POLK: variants seen among roughly 807,000 people sequenced by gnomAD.
The protein encoded by POLK is polymerase (DNA directed) kappa.
Under a neutral mutation model 94.0 loss-of-function variants are expected in POLK, and 76 were observed. The ratio of observed to expected loss-of-function variants is 0.81; its 90% CI spans 0.67 to 0.98. POLK has a LOEUF of 0.98. Among genes scored for constraint, POLK ranks in the 50% least tolerant of loss-of-function variants. The pLI is 0.00. For synonymous variants in POLK, 349 were observed against 325.4 expected, an observed-to-expected ratio of 1.07 and a Z score of -0.78; for missense variants, 954 against 1,010.1, an observed-to-expected ratio of 0.94 and a Z score of 0.75.
At chr5:75,511,561 C>CG (rs1768006004), upstream of POLK, 1 of 1,457,234 alleles carries the variant, frequency 6.9e-7, no homozygotes, top group South Asian at 1.4e-5. Context: ...AGAGAAAATC[C>CG]GGCCGCTGAG....
chr5:75,524,614 G>GAA (rs35953663), intron 1 of POLK, among the ~76,000 whole-genome samples: 39 of 148,302 alleles, frequency 2.6e-4, no homozygotes, highest in Admixed American at 6.0e-4. Context: ...TGAAAACCTA[G>GAA]AAAAAAAAAA....
intron 1 of POLK, among the ~76,000 whole-genome samples, chr5:75,517,733 C>T (rs948808286): frequency 6.6e-6 from 1 of 152,156 alleles, no homozygotes; most frequent in Non-Finnish European, 1.5e-5. Context: ...AGAGGAAAGG[C>T]TTTCAATATT....
chr5:75,558,561 T>TC (rs1770767275), intron 3 of POLK, among the ~76,000 whole-genome samples: 1 of 152,178 alleles, frequency 6.6e-6, no homozygotes, highest in Non-Finnish European at 1.5e-5. Context: ...TCTCTTCTAA[T>TC]CAATTCAGTC....
At chr5:75,571,805 G>T (rs1771615050) in intron 4 of POLK, among the ~76,000 whole-genome samples, 1 of 152,128 alleles carries the variant, frequency 6.6e-6, no homozygotes, top group Non-Finnish European at 1.5e-5. Context: ...AAGTATTGTG[G>T]CTGTGATCTA....
chr5:75,580,707 A>G (rs1418359290), intron 6 of POLK: 1 of 167,518 alleles, frequency 6.0e-6, no homozygotes, highest in African/African-American at 2.4e-5. Context: ...TTATTTTAAC[A>G]TCTAAAAGGT....
chr5:75,584,800 C>A, exon 9 of POLK: 1 of 1,581,740 alleles, frequency 6.3e-7, no homozygotes, highest in Non-Finnish European at 8.6e-7. Context: ...ATGTTAAAGG[C>A]CCTTGGAATT....
At chr5:75,604,275 A>G (rs933721639), downstream of POLK, among the ~76,000 whole-genome samples, 5 of 152,084 alleles carry the variant, frequency 3.3e-5, no homozygotes, top group African/African-American at 1.2e-4. Flanking sequence ...GTGGCTTGGG[A>G]GTATTTGGAA....
At chr5:75,561,301 G>A (rs1439046559) in intron 3 of POLK, among the ~76,000 whole-genome samples, 1 of 152,138 alleles carries the variant, frequency 6.6e-6, no homozygotes, top group Non-Finnish European at 1.5e-5. Flanking sequence ...CTGCATAAAG[G>A]TCTTCTTTTG....
intron 1 of POLK, among the ~76,000 whole-genome samples, chr5:75,513,616 A>C (rs1768178733): frequency 6.6e-6 from 1 of 152,208 alleles, no homozygotes; most frequent in African/African-American, 2.4e-5. Flanking sequence ...TTCAAGCAGA[A>C]ATATTCTTAC....
chr5:75,559,518 G>GTTTTT (rs1770850714), intron 3 of POLK, among the ~76,000 whole-genome samples: 1 of 70,156 alleles, frequency 1.4e-5, no homozygotes, highest in Non-Finnish European at 2.9e-5. Flanking sequence ...TTTTTGTTTT[G>GTTTTT]TTTTGTTTTT....
chr5:75,579,767 C>T (rs937623519), intron 6 of POLK, among the ~76,000 whole-genome samples: 6 of 151,760 alleles, frequency 4.0e-5, no homozygotes, highest in African/African-American at 1.2e-4. Flanking sequence ...GGCTTATTGG[C>T]GAGGCAAGGT....
At chr5:75,511,299 G>A, upstream of POLK, 4 of 1,560,562 alleles carry the variant, frequency 2.6e-6, no homozygotes, top group Non-Finnish European at 3.5e-6. Flanking sequence ...GTCGGGGGAT[G>A]GCGAAGCGAA....
intron 3 of POLK, among the ~76,000 whole-genome samples, chr5:75,561,604 T>C (rs1462198881): frequency 6.6e-6 from 1 of 152,212 alleles, no homozygotes; most frequent in African/African-American, 2.4e-5. Flanking sequence ...TGAATGGTAT[T>C]GCCTAGGTTT....
At chr5:75,529,697 A>G (rs577536335) in intron 1 of POLK, among the ~76,000 whole-genome samples, 401 of 152,304 alleles carry the variant, frequency 2.6e-3, no homozygotes, top group Non-Finnish European at 4.0e-3. Flanking sequence ...ACCCATGGAT[A>G]TGAAAGGCCA....
chr5:75,569,472 G>C (rs755775048), exon 4 of POLK: 2 of 1,612,430 alleles, frequency 1.2e-6, no homozygotes, highest in Non-Finnish European at 1.7e-6. Context: ...ACCCATTGCT[G>C]TAGGATCAAT....
At chr5:75,529,910 C>A (rs1012327039) in intron 1 of POLK, among the ~76,000 whole-genome samples, 1 of 152,094 alleles carries the variant, frequency 6.6e-6, no homozygotes, top group African/African-American at 2.4e-5. Flanking sequence ...CCAGGAGATA[C>A]AATAGAACTA....
At chr5:75,525,927 G>A (rs1009856486) in intron 1 of POLK, among the ~76,000 whole-genome samples, 7 of 152,038 alleles carry the variant, frequency 4.6e-5, no homozygotes, top group African/African-American at 1.7e-4. Context: ...TGTGATCATG[G>A]GTGAATTATA....
At chr5:75,524,481 T>C (rs943000077) in intron 1 of POLK, among the ~76,000 whole-genome samples, 16 of 152,224 alleles carry the variant, frequency 1.1e-4, no homozygotes, top group Admixed American at 9.8e-4. Flanking sequence ...AGCTGTACTT[T>C]GGAGAGCAAA....
chr5:75,516,050 C>A (rs1041669246), intron 1 of POLK, among the ~76,000 whole-genome samples: 12 of 152,070 alleles, frequency 7.9e-5, no homozygotes, highest in Non-Finnish European at 1.5e-5. Flanking sequence ...AATGTCTATT[C>A]TTTTGCCCAT....
Sources: allele counts gnomAD v4.1 joint callset (sites outside exome capture counted in the v4.1 genomes callset), GRCh38; gene constraint gnomAD v4.1.1; transcripts MANE v1.5; gene names NCBI Gene and HGNC (gene_info 2026-07-23, HGNC 2026-07-21).